Variants in SUSD1 observed in about 807,000 individuals in gnomAD.
SUSD1 encodes sushi domain-containing protein 1.
A neutral mutation model predicts 86.9 loss-of-function variants in SUSD1; 65 were observed. The observed-to-expected ratio is 0.75, with a 90% CI of 0.61 to 0.92. The LOEUF (loss-of-function observed/expected upper bound fraction) is 0.92. SUSD1 is among the 40% of genes least tolerant of loss of function. The probability of loss-of-function intolerance (pLI) is 0.00; values close to 1 mark genes in which losing one functional copy is unlikely to be tolerated. For missense variants in SUSD1, 850 were observed against 929.7 expected (o/e 0.91, Z 1.11); for synonymous variants, 346 against 350.0 (o/e 0.99, Z 0.13).
chr9:112,072,237 C>T (rs562764209), intron 12 of SUSD1, among the ~76,000 whole-genome samples: 2 of 148,104 alleles, frequency 1.4e-5, no homozygotes, highest in Non-Finnish European at 3.0e-5. Context: ...TGCAACTCTG[C>T]CTCCCGGGTT....
rs570453495 is a variant in SUSD1, at chr9:112,172,473, G to T, written c.103+2660C>A. ...TCTAAACTCCAAGAATCCTCTCCAA[G>T]GATCTGTCTTTCATCCTCCCAATCT... is the stretch of plus-strand genomic sequence containing the variant. On this transcript the variant is annotated intron_variant, in intron 1 of 16. Transcript: ENST00000374270. Among the ~76,000 whole-genome samples the T allele has an allele frequency of 5.9e-5, 9 of 152,212 alleles. No homozygotes were observed. The East Asian group carries it at 1.4e-3, about 23-fold the overall frequency.
chr9:112,088,521 C>G (rs1272122505), intron 10 of SUSD1, among the ~76,000 whole-genome samples: 3 of 152,200 alleles, frequency 2.0e-5, no homozygotes, highest in African/African-American at 7.2e-5. Flanking sequence ...TGCAGTGGCT[C>G]AGACCTGTTA....
At chr9:112,121,695 T>A (rs878905431) in intron 6 of SUSD1, among the ~76,000 whole-genome samples, 1 of 152,196 alleles carries the variant, frequency 6.6e-6, no homozygotes, top group South Asian at 2.1e-4. Flanking sequence ...CTGCTGCTAG[T>A]CAAACCAGAG....
intron 10 of SUSD1, among the ~76,000 whole-genome samples, chr9:112,084,179 T>C (rs1490710332): frequency 6.6e-6 from 1 of 151,942 alleles, no homozygotes; most frequent in Non-Finnish European, 1.5e-5. Flanking sequence ...AAACATAATA[T>C]ATACAAGCAT....
At chr9:112,142,111 G>A (rs1411322071) in intron 5 of SUSD1, among the ~76,000 whole-genome samples, 3 of 151,534 alleles carry the variant, frequency 2.0e-5, no homozygotes, top group African/African-American at 4.8e-5. Flanking sequence ...TATAAAGAAA[G>A]AAAAATTTAT....
Position 112,058,543 on chromosome 9 carries a change from T to A in SUSD1, c.1994A>T (p.Asp665Val). The change falls in exon 14 of 17, where the codon GAT becomes GTT. Residue 665 changes from aspartate (D) to valine (V), a missense_variant. Transcript: ENST00000374270. ...AELLAKDVPD[D>V]AMEIPIGDRL... ...GTCTCCTATAGGTATCTCCATGGCA[T>A]CATCTGGAACATCTTTGGCCAGTAG... 1 of 1,614,188 alleles carries A rather than the reference T, an allele frequency of 6.2e-7. No individual in the cohort carries two copies. Among genetic ancestry groups the A allele is most frequent in the Middle Eastern group, 1.6e-4 (1 of 6,062 alleles).
intron 8 of SUSD1, among the ~76,000 whole-genome samples, chr9:112,106,711 C>A: frequency 1.4e-5 from 2 of 141,088 alleles, no homozygotes; most frequent in Admixed American, 7.2e-5. Context: ...AAACCAATAA[C>A]CTAAGAGAAG....
At chr9:112,161,379 C>A (rs1164244991) in intron 1 of SUSD1, among the ~76,000 whole-genome samples, 32 of 139,416 alleles carry the variant, frequency 2.3e-4, no homozygotes, top group South Asian at 4.6e-4. Context: ...GACTTCATCT[C>A]AAAAAAAAAA....
intron 15 of SUSD1, among the ~76,000 whole-genome samples, chr9:112,044,670 G>A (rs1204406300): frequency 2.0e-5 from 3 of 152,068 alleles, no homozygotes; most frequent in Admixed American, 6.6e-5. Flanking sequence ...ATAAAATCCA[G>A]ATGGATTACA....
At chr9:112,124,197 C>T (rs1831668967) in intron 6 of SUSD1, 60 bp downstream of exon 6, 1 of 1,530,568 alleles carries the variant, frequency 6.5e-7, no homozygotes. Context: ...AGTTTTAGGC[C>T]CTCGGCTCCC....
chr9:112,123,616 A>G (rs1831640515), intron 6 of SUSD1, among the ~76,000 whole-genome samples: 1 of 152,150 alleles, frequency 6.6e-6, no homozygotes. Context: ...CCTGGGCAAC[A>G]TGGTGAAACC....
chr9:112,094,452 G>A (rs974593090), intron 10 of SUSD1, among the ~76,000 whole-genome samples: 3 of 152,244 alleles, frequency 2.0e-5, no homozygotes, highest in Admixed American at 6.5e-5. Flanking sequence ...GGGGATTCTA[G>A]ATAAGAAACT....
At chr9:112,090,926 A>G (rs924651896) in intron 10 of SUSD1, among the ~76,000 whole-genome samples, 7 of 152,200 alleles carry the variant, frequency 4.6e-5, no homozygotes, top group Admixed American at 3.3e-4. Flanking sequence ...AATGAGATGA[A>G]TCTATTGCCT....
intron 12 of SUSD1, among the ~76,000 whole-genome samples, chr9:112,068,460 A>G (rs1383269587): frequency 6.6e-6 from 1 of 152,206 alleles, no homozygotes; most frequent in Non-Finnish European, 1.5e-5. Context: ...CTGTAATCCC[A>G]GCACTTGAGG....
chr9:112,165,070 C>T (rs969649659), intron 1 of SUSD1, among the ~76,000 whole-genome samples: 1 of 152,236 alleles, frequency 6.6e-6, no homozygotes, highest in Non-Finnish European at 1.5e-5. Context: ...AAGAAGCTCA[C>T]AGGTGGATCA....
rs1205886713 is a variant in SUSD1, at chr9:112,154,333, C to CA, written c.217+3166dup. Among the ~76,000 whole-genome samples, 407 of 104,096 alleles carry CA rather than the reference C, an allele frequency of 3.9e-3. 3 individuals carry two copies. Among genetic ancestry groups the CA allele is most frequent in the African/African-American group, 0.016 (391 of 23,758 alleles). The allele number at this position is 104,096 out of a possible 152,430, so 68.3% of individuals were successfully genotyped here. A position where few individuals can be genotyped will look rare whatever the true frequency, so the allele number is the denominator to read the frequency against. ...GCAAAACCCCACCTCCACACACACACACAAAAAAAAAAAAAAAAAGAGAGA... is the reference window on the plus strand; with the variant it reads ...GCAAAACCCCACCTCCACACACACACAACAAAAAAAAAAAAAAAAAGAGAGA... On this transcript the variant is annotated intron_variant, in intron 2 of 16. Coordinates refer to ENST00000374270, the MANE Select transcript of SUSD1 (RefSeq NM_022486.5).
chr9:112,169,675 C>CT (rs36110944), intron 1 of SUSD1, among the ~76,000 whole-genome samples: 34,894 of 137,978 alleles, frequency 0.25, 5,279 homozygotes, highest in Middle Eastern at 0.33. Flanking sequence ...AAGGGTGTAC[C>CT]TTTTTTTTTT....
rs1301520539 is a variant in SUSD1, at chr9:112,042,941, A to AAAAATTATAACCGAG, written c.2150-996_2150-982dup. On this transcript the variant is annotated intron_variant, in intron 15 of 16. Transcript: ENST00000374270. ...CTGCAGAACTTGAAACCGCCTTTTT[A>AAAAATTATAACCGAG]AAAATTATAACCGAGAAAATTATAA... Among the ~76,000 whole-genome samples the AAAAATTATAACCGAG allele has an allele frequency of 2.0e-5, 3 of 151,670 alleles. 1 individual carries two copies. In the South Asian group the frequency reaches 6.2e-4, roughly 32 times the overall value.
At chr9:112,146,158 T>C (rs1354562085) in intron 3 of SUSD1, 1 of 150,212 alleles carries the variant, frequency 6.7e-6, no homozygotes, top group Non-Finnish European at 1.5e-5. Context: ...CTGATGTTTC[T>C]CTGGCAACTG....
Sources: allele counts gnomAD v4.1 joint callset (sites outside exome capture counted in the v4.1 genomes callset), GRCh38; gene constraint gnomAD v4.1.1; transcripts MANE v1.5; gene names NCBI Gene and HGNC (gene_info 2026-07-23, HGNC 2026-07-21).